The following PARD3 variants were observed in gnomAD, a reference collection of about 807,000 sequenced individuals.
The protein encoded by PARD3 is par-3 family cell polarity regulator.
Under a neutral mutation model 155.4 loss-of-function variants are expected in PARD3, and 75 were observed. The ratio of observed to expected loss-of-function variants is 0.48; its 90% confidence interval spans 0.40 to 0.58. The LOEUF is 0.58. Among genes scored for constraint, PARD3 ranks in the 20% least tolerant of loss-of-function variants. The pLI, the probability that PARD3 is intolerant of heterozygous loss-of-function variation, is 0.00. For missense variants in PARD3, 1,642 were observed against 1,721.7 expected, an observed-to-expected ratio of 0.95 and a Z score of 0.82; for synonymous variants, 576 against 610.5, an observed-to-expected ratio of 0.94 and a Z score of 0.83.
intron 2 of PARD3, among the ~76,000 whole-genome samples, chr10:34,578,100 C>A (rs2087057898): frequency 6.6e-6 from 1 of 151,014 alleles, no homozygotes; most frequent in South Asian, 2.1e-4. Flanking sequence ...AGTATGAACT[C>A]CTGGCCTCAA....
intron 1 of PARD3, among the ~76,000 whole-genome samples, chr10:34,701,333 ATGTTGTTGTTGTTGTTGT>A (rs34806804): frequency 6.7e-5 from 10 of 149,862 alleles, no homozygotes; most frequent in African/African-American, 2.5e-4. Flanking sequence ...ACACGCGGGG[ATGTTGTTGTTGTTGTTGT>A]TGTTGTTGTT....
chr10:34,790,072 T>G (rs1021987826), intron 1 of PARD3, among the ~76,000 whole-genome samples: 3 of 152,192 alleles, frequency 2.0e-5, no homozygotes, highest in Non-Finnish European at 2.9e-5. Context: ...AAACTTGTCA[T>G]GTTCTGGGTT....
At chr10:34,780,587 T>A (rs1365795076) in intron 1 of PARD3, among the ~76,000 whole-genome samples, 1 of 152,212 alleles carries the variant, frequency 6.6e-6, no homozygotes, top group East Asian at 1.9e-4. Flanking sequence ...GTTAAAACTC[T>A]ACCAGAATTC....
At chr10:34,396,814 A>G (rs1396636170) in intron 7 of PARD3, among the ~76,000 whole-genome samples, 2 of 151,994 alleles carry the variant, frequency 1.3e-5, no homozygotes, top group Non-Finnish European at 2.9e-5. Flanking sequence ...TTCCTGCTAT[A>G]CTACATTGCT....
At chr10:34,645,843 A>C (rs1396292244) in intron 2 of PARD3, among the ~76,000 whole-genome samples, 1 of 152,244 alleles carries the variant, frequency 6.6e-6, no homozygotes. Context: ...ACGTGTTACT[A>C]TATCTGACAT....
At chr10:34,524,736 A>G (rs984596658) in intron 2 of PARD3, among the ~76,000 whole-genome samples, 1 of 152,354 alleles carries the variant, frequency 6.6e-6, no homozygotes. Flanking sequence ...AAAAAGTAGG[A>G]TAGCACAGTA....
rs188895270 is a variant in PARD3 at position 34,244,020 on chromosome 10, C to T, written c.3419+25637G>A. Among the ~76,000 whole-genome samples, 11 of 152,172 alleles carry T rather than the reference C, an allele frequency of 7.2e-5. No individual in the cohort carries two copies. The East Asian group carries it at 2.1e-3, about 29-fold the overall frequency. On this transcript the variant is annotated intron_variant, in intron 22 of 24. Transcript: ENST00000374788. ...TAAGAAGAGAAAGGTGTTAAGCTTC[C>T]CAAATTCTCAGTGCTTAAGTTTGAG...
At chr10:34,199,266 G>GTC (rs1413078384) in intron 22 of PARD3, among the ~76,000 whole-genome samples, 1 of 152,140 alleles carries the variant, frequency 6.6e-6, no homozygotes. Context: ...ATATCTTCCT[G>GTC]TCTCCTTGTC....
intron 3 of PARD3, among the ~76,000 whole-genome samples, chr10:34,501,289 G>C (rs1324670892): frequency 6.6e-6 from 1 of 152,094 alleles, no homozygotes; most frequent in African/African-American, 2.4e-5. Flanking sequence ...CAGGATATCT[G>C]ATCATTTAAA....
At chr10:34,681,909 C>T (rs985251878) in intron 2 of PARD3, among the ~76,000 whole-genome samples, 31 of 149,482 alleles carry the variant, frequency 2.1e-4, no homozygotes, top group Admixed American at 1.3e-3. Context: ...GCATGAGCTA[C>T]CAGCACCCCG....
At chr10:34,326,118 C>T (rs893117422) in intron 19 of PARD3, among the ~76,000 whole-genome samples, 2 of 143,588 alleles carry the variant, frequency 1.4e-5, no homozygotes, top group Non-Finnish European at 3.0e-5. Context: ...CAGAGTGACA[C>T]TCTTTCTAAA....
At chr10:34,343,600 T>C in intron 15 of PARD3, 1 of 985,364 alleles carries the variant, frequency 1.0e-6, no homozygotes, top group African/African-American at 1.7e-5. Flanking sequence ...GGAATATAGT[T>C]TTGGGTTATG....
chr10:34,518,599 TA>T (rs1179520683), intron 2 of PARD3, among the ~76,000 whole-genome samples: 1 of 152,106 alleles, frequency 6.6e-6, no homozygotes, highest in African/African-American at 2.4e-5. Flanking sequence ...ATCCAAAGAA[TA>T]AACTAAAATC....
intron 22 of PARD3, among the ~76,000 whole-genome samples, chr10:34,265,205 A>G (rs1007192710): frequency 6.6e-5 from 10 of 152,234 alleles, no homozygotes; most frequent in South Asian, 2.1e-4. Flanking sequence ...ACTATAGCCT[A>G]CAGTTCATGT....
rs770401530 is a variant in PARD3 at position 34,516,931 on chromosome 10, T to C, written c.403+48A>G. 2.0e-6 allele frequency: 3 copies of C among 1,537,626 alleles called. No homozygotes were observed. In the African/African-American group the frequency reaches 4.1e-5, roughly 21 times the overall value. On this transcript the variant is annotated intron_variant, in intron 3 of 24. Transcript: ENST00000374788. ...ATGGATGAATAACAAAAGTTGGTAT[T>C]CCTGTAAATTAAGATGAAATGGAAG...
At chr10:34,289,488 C>A (rs1956570947) in intron 20 of PARD3, among the ~76,000 whole-genome samples, 3 of 149,200 alleles carry the variant, frequency 2.0e-5, no homozygotes, top group Non-Finnish European at 4.4e-5. Flanking sequence ...CTGCATCTGG[C>A]CAGATCTTAA....
chr10:34,254,334 G>A (rs535520914), intron 22 of PARD3, among the ~76,000 whole-genome samples: 412 of 151,974 alleles, frequency 2.7e-3, no homozygotes, highest in African/African-American at 9.3e-3. Context: ...AGCCGAGATC[G>A]CACCACTGCA....
intron 2 of PARD3, among the ~76,000 whole-genome samples, chr10:34,642,124 T>C (rs115053337): frequency 0.017 from 2,590 of 151,722 alleles, 70 homozygotes; most frequent in African/African-American, 0.06. Context: ...CCTGGGCCCA[T>C]ACCTGGGTAC....
intron 2 of PARD3, among the ~76,000 whole-genome samples, chr10:34,693,194 T>C (rs1229469307): frequency 6.6e-6 from 1 of 152,204 alleles, no homozygotes; most frequent in Non-Finnish European, 1.5e-5. Flanking sequence ...AGTGTGGCAA[T>C]TTCCCAATGA....
Sources: allele counts gnomAD v4.1 joint callset (sites outside exome capture counted in the v4.1 genomes callset), GRCh38; gene constraint gnomAD v4.1.1; transcripts MANE v1.5; gene names NCBI Gene and HGNC (gene_info 2026-07-23, HGNC 2026-07-21).